GOLGA3: variants seen among roughly 807,000 people sequenced by gnomAD.
The protein encoded by GOLGA3 is golgin A3.
In GOLGA3, 75 loss-of-function variants were observed where a neutral mutation model predicts 169.4. The observed-to-expected ratio is 0.44, with a 90% CI of 0.37 to 0.54. The LOEUF (loss-of-function observed/expected upper bound fraction) is 0.54. GOLGA3 is among the 20% of genes least tolerant of loss of function. The probability of loss-of-function intolerance (pLI) is 0.00; values close to 1 mark genes in which losing one functional copy is unlikely to be tolerated. For synonymous variants in GOLGA3, 824 were observed against 822.4 expected, an observed-to-expected ratio of 1.00 and a Z score of -0.03; for missense variants, 1,899 against 1,930.0, an observed-to-expected ratio of 0.98 and a Z score of 0.30.
At chr12:132,784,869 CACAA>C (rs1007748227) in intron 15 of GOLGA3, among the ~76,000 whole-genome samples, 7 of 151,900 alleles carry the variant, frequency 4.6e-5, no homozygotes, top group African/African-American at 7.3e-5. Context: ...ACACCATGCA[CACAA>C]ACACTCCACA....
At position 132,816,578 on chromosome 12, in the gene GOLGA3, G is replaced by C. The variant is rs780845796; in HGVS notation, c.368C>G (p.Ser123Cys). The C allele has an allele frequency of 1.2e-6, 2 of 1,614,068 alleles. No homozygotes were observed. The highest frequency in any genetic ancestry group is 1.7e-6 in the Non-Finnish European group (2 of 1,179,980). ...EGSVRKEALQ[S>C]LRLSLPMQET... ...TTGCATAGGAAGACTGAGTCTGAGAGACTGCAAAGCTTCTTTTCTAACACT... is the reference window on the plus strand; with the variant it reads ...TTGCATAGGAAGACTGAGTCTGAGACACTGCAAAGCTTCTTTTCTAACACT... Residue 123 changes from serine (S) to cysteine (C), a missense_variant, in exon 3 of 24, where the codon TCT (serine) becomes TGT (cysteine). By Grantham distance (112) the Ser-to-Cys change is moderately radical (BLOSUM62 -1). Transcript: ENST00000450791.
intron 18 of GOLGA3, among the ~76,000 whole-genome samples, chr12:132,778,758 G>A (rs975857174): frequency 6.6e-6 from 1 of 151,924 alleles, no homozygotes; most frequent in African/African-American, 2.4e-5. Flanking sequence ...AGCCAGGCAT[G>A]GTGGTGCACG....
intron 13 of GOLGA3, 75 bp downstream of exon 13, chr12:132,788,952 C>A (rs1298294363): frequency 2.5e-5 from 26 of 1,046,736 alleles, no homozygotes; most frequent in African/African-American, 6.7e-5. Flanking sequence ...CCGCCCCAGA[C>A]ACAGGCCCCA....
chr12:132,805,863 G>A (rs1032593793), intron 6 of GOLGA3, among the ~76,000 whole-genome samples: 8 of 152,228 alleles, frequency 5.3e-5, no homozygotes, highest in African/African-American at 1.4e-4. Context: ...AATGCCAGAC[G>A]TGTAGAGGGA....
In GOLGA3 at chr12:132,816,657, C is replaced by T; in HGVS notation, c.289G>A (p.Val97Met). The part of the protein sequence containing the change: ...SPVGPDASPG[V>M]AGFHDNLRKS... Reference sequence around the variant, plus strand: ...CTTAGGTTGTCATGGAAACCAGCCACACCTGGAGAGGCATCAGGGCCCACT... The same window carrying T: ...CTTAGGTTGTCATGGAAACCAGCCATACCTGGAGAGGCATCAGGGCCCACT... The change falls in exon 3 of 24, where the codon GTG becomes ATG. Residue 97 changes from valine (V) to methionine (M), a missense_variant. Val to Met is a conservative substitution (Grantham distance 21). Coordinates refer to ENST00000450791, the MANE Select transcript of GOLGA3 (RefSeq NM_001389683.1). 4 of 1,614,158 alleles carry T rather than the reference C, an allele frequency of 2.5e-6. No individual in the cohort carries two copies. The highest frequency in any genetic ancestry group is 3.4e-6 in the Non-Finnish European group (4 of 1,180,014).
At chr12:132,802,793 C>T (rs900050226) in intron 7 of GOLGA3, among the ~76,000 whole-genome samples, 1 of 152,026 alleles carries the variant, frequency 6.6e-6, no homozygotes, top group Non-Finnish European at 1.5e-5. Context: ...CAGTGGCTCA[C>T]GCCTGTAATC....
At chr12:132,817,811 A>C (rs56214814) in intron 2 of GOLGA3, among the ~76,000 whole-genome samples, 2 of 20 alleles carry the variant, frequency 0.1, no homozygotes, top group African/African-American at 0.1. Context: ...GTGAACCCGC[A>C]CTCCACACCT....
chr12:132,816,915 G>T (rs954835183), intron 2 of GOLGA3, 103 bp from the exon 3 acceptor site: 1 of 1,045,282 alleles, frequency 9.6e-7, no homozygotes, highest in Non-Finnish European at 1.4e-6. Flanking sequence ...CCAGACTCAT[G>T]AGCACGGCAC....
intron 11 of GOLGA3, among the ~76,000 whole-genome samples, chr12:132,795,398 G>A (rs972298049): frequency 2.0e-5 from 3 of 150,494 alleles, no homozygotes; most frequent in South Asian, 2.1e-4. Context: ...AGACTGAGGT[G>A]GGCGGATCAC....
intron 11 of GOLGA3, among the ~76,000 whole-genome samples, chr12:132,793,690 C>G (rs144210341): frequency 0.092 from 11,053 of 119,694 alleles, 1,054 homozygotes; most frequent in Middle Eastern, 0.14. Context: ...ACCCACCGCA[C>G]GGGACCCGCA....
At position 132,822,129 on chromosome 12, in the gene GOLGA3, G is replaced by A. The variant is rs1950248868; in HGVS notation, c.-1C>T. On this transcript the variant is annotated 5_prime_UTR_variant, in exon 2 of 24. Transcript: ENST00000450791. ...CTTGCTCGGCCGACGCGCCGTCCATGGTCAGGACGACACCAGCTGAGCTGA... is the reference window on the plus strand; with the variant it reads ...CTTGCTCGGCCGACGCGCCGTCCATAGTCAGGACGACACCAGCTGAGCTGA... 3 of 1,603,116 alleles carry A rather than the reference G, an allele frequency of 1.9e-6. No individual in the cohort carries two copies. The highest frequency in any genetic ancestry group is 2.6e-6 in the Non-Finnish European group (3 of 1,175,834).
At chr12:132,805,080 G>A in intron 6 of GOLGA3, 58 bp from the exon 7 acceptor site, 11 of 1,540,540 alleles carry the variant, frequency 7.1e-6, no homozygotes, top group Non-Finnish European at 9.6e-6. Flanking sequence ...TCCATCCAGT[G>A]TATTAACAGG....
At chr12:132,806,071 G>T (rs563794382) in intron 6 of GOLGA3, among the ~76,000 whole-genome samples, 3 of 152,164 alleles carry the variant, frequency 2.0e-5, no homozygotes, top group Non-Finnish European at 4.4e-5. Context: ...CTGCCCCCAC[G>T]CTGAGGCCTA....
intron 15 of GOLGA3, 105 bp from the exon 16 acceptor site, chr12:132,784,412 A>ACAC (rs1444090363): frequency 4.3e-6 from 4 of 935,836 alleles, no homozygotes; most frequent in African/African-American, 1.6e-5. Context: ...CACACACCAG[A>ACAC]CACCAGCTGT....
chr12:132,802,012 AC>A, intron 7 of GOLGA3, 43 bp from the exon 8 acceptor site: 2 of 1,526,920 alleles, frequency 1.3e-6, no homozygotes, highest in Non-Finnish European at 1.8e-6. Context: ...GCGACGGCCA[AC>A]GGGGGAGTCC....
At chr12:132,815,857 C>T (rs1256859378) in intron 3 of GOLGA3, among the ~76,000 whole-genome samples, 1 of 152,118 alleles carries the variant, frequency 6.6e-6, no homozygotes, top group Non-Finnish European at 1.5e-5. Context: ...TCTGACTCTG[C>T]CACTGGCCTC....
intron 4 of GOLGA3, among the ~76,000 whole-genome samples, chr12:132,809,930 A>AT (rs1446644646): frequency 6.6e-6 from 1 of 151,830 alleles, no homozygotes; most frequent in Non-Finnish European, 1.5e-5. Flanking sequence ...AGTTTATTTT[A>AT]TTTTTTTGGA....
chr12:132,796,734 G>A (rs1434138089), intron 9 of GOLGA3, 34 bp from the exon 10 acceptor site: 2 of 1,607,334 alleles, frequency 1.2e-6, no homozygotes, highest in Non-Finnish European at 1.7e-6. Flanking sequence ...AAAAAGGCAG[G>A]AAACCTTAAT....
chr12:132,775,165 G>A lies in GOLGA3; in HGVS notation c.4119C>T (p.Asp1373=). 6.2e-7 allele frequency: 1 copy of A among 1,613,996 alleles called. No homozygotes were observed. Among genetic ancestry groups the A allele is most frequent in the Non-Finnish European group, 8.5e-7 (1 of 1,180,026 alleles). Residue 1373 remains aspartate (D), a synonymous_variant, in exon 22 of 24, where the codon GAC becomes GAT. Transcript: ENST00000450791. The part of the protein sequence containing the change: ...LLQQNQQLKL[D]LRRGAAKTRK... ...CCGTCTTGGCCGCGCCGCGGCGTAG[G>A]TCCAGCTTGAGCTGCTGGTTCTGCT...
Sources: allele counts gnomAD v4.1 joint callset (sites outside exome capture counted in the v4.1 genomes callset), GRCh38; gene constraint gnomAD v4.1.1; transcripts MANE v1.5; gene names NCBI Gene and HGNC (gene_info 2026-07-23, HGNC 2026-07-21).